HS6ST3: variants seen among roughly 807,000 people sequenced by gnomAD.
HS6ST3 encodes the protein heparan sulfate 6-O-sulfotransferase 3, also known as heparan-sulfate 6-O-sulfotransferase 3.
HS6ST3 carries 12 observed loss-of-function variants against 36.7 expected under a neutral mutation model. The observed-to-expected ratio is 0.33, with a 90% confidence interval of 0.21 to 0.53. HS6ST3 has a LOEUF of 0.53. Ranked by LOEUF, HS6ST3 falls within the 20% of genes least tolerant of loss-of-function variation. The probability of loss-of-function intolerance (pLI) is 0.95; values close to 1 mark genes in which losing one functional copy is unlikely to be tolerated. For synonymous variants in HS6ST3, 240 were observed against 257.5 expected (o/e 0.93, Z 0.65); for missense variants, 584 against 640.9 (o/e 0.91, Z 0.96).
intron 1 of HS6ST3, among the ~76,000 whole-genome samples, chr13:96,775,101 G>A (rs1160666231): frequency 1.3e-5 from 2 of 152,004 alleles, no homozygotes; most frequent in South Asian, 2.1e-4. Flanking sequence ...AAGCGAAGGA[G>A]AAATAAAATC....
At chr13:96,599,284 G>A (rs1317027681) in intron 1 of HS6ST3, among the ~76,000 whole-genome samples, 1 of 151,834 alleles carries the variant, frequency 6.6e-6, no homozygotes, top group Non-Finnish European at 1.5e-5. Context: ...TTTCTTGTTG[G>A]GAGATTTTTA....
At chr13:96,269,890 A>G (rs2054711341) in intron 1 of HS6ST3, among the ~76,000 whole-genome samples, 1 of 151,914 alleles carries the variant, frequency 6.6e-6, no homozygotes, top group Non-Finnish European at 1.5e-5. Context: ...GCTTCTCTGC[A>G]CTAATCAACT....
At chr13:96,554,329 ATCTC>A (rs1403905460) in intron 1 of HS6ST3, among the ~76,000 whole-genome samples, 1 of 152,202 alleles carries the variant, frequency 6.6e-6, no homozygotes, top group African/African-American at 2.4e-5. Context: ...AAATTTATCT[ATCTC>A]TATGTAAAAA....
intron 1 of HS6ST3, among the ~76,000 whole-genome samples, chr13:96,494,752 T>A (rs75306636): frequency 6.6e-6 from 1 of 152,206 alleles, no homozygotes; most frequent in African/African-American, 2.4e-5. Flanking sequence ...ATACATATGC[T>A]GGTTCAACCC....
chr13:96,425,312 G>A (rs112974190), intron 1 of HS6ST3, among the ~76,000 whole-genome samples: 4,014 of 152,230 alleles, frequency 0.026, 86 homozygotes, highest in Non-Finnish European at 0.039. Flanking sequence ...GCTGCCTAAA[G>A]CCTTGAAGAG....
chr13:96,355,418 C>CAA (rs2055205633), intron 1 of HS6ST3, among the ~76,000 whole-genome samples: 1 of 150,606 alleles, frequency 6.6e-6, no homozygotes, highest in African/African-American at 2.5e-5. Context: ...CACAAACACA[C>CAA]ACACACAGAG....
intron 1 of HS6ST3, among the ~76,000 whole-genome samples, chr13:96,455,387 A>G (rs1594784022): frequency 7.0e-6 from 1 of 143,392 alleles, no homozygotes; most frequent in African/African-American, 2.6e-5. Context: ...GCCCAGCTAC[A>G]TTTTTTTTTT....
intron 1 of HS6ST3, among the ~76,000 whole-genome samples, chr13:96,157,157 T>G (rs2054114463): frequency 6.6e-6 from 1 of 152,226 alleles, no homozygotes; most frequent in East Asian, 1.9e-4. Context: ...CTAACCTACT[T>G]TCTTATTACA....
At chr13:96,427,863 T>C (rs1237030038) in intron 1 of HS6ST3, among the ~76,000 whole-genome samples, 3 of 152,158 alleles carry the variant, frequency 2.0e-5, no homozygotes, top group African/African-American at 4.8e-5. Context: ...CTTGACACTT[T>C]GAGAGTACTG....
At chr13:96,335,671 AC>A (rs1372967383) in intron 1 of HS6ST3, among the ~76,000 whole-genome samples, 5 of 152,160 alleles carry the variant, frequency 3.3e-5, no homozygotes, top group Admixed American at 6.5e-5. Flanking sequence ...TGACTAAGGT[AC>A]CCACCCACAG....
intron 1 of HS6ST3, among the ~76,000 whole-genome samples, chr13:96,444,694 T>G (rs1344904992): frequency 2.0e-5 from 3 of 152,210 alleles, no homozygotes; most frequent in Admixed American, 6.5e-5. Context: ...GGGTTCACCT[T>G]TTTATGAGCA....
intron 1 of HS6ST3, among the ~76,000 whole-genome samples, chr13:96,767,241 A>G (rs958490791): frequency 6.6e-6 from 1 of 152,198 alleles, no homozygotes; most frequent in African/African-American, 2.4e-5. Flanking sequence ...TTCACCAAAT[A>G]CCTTCTATCT....
chr13:96,640,789 C>T (rs897235732), intron 1 of HS6ST3, among the ~76,000 whole-genome samples: 1 of 151,998 alleles, frequency 6.6e-6, no homozygotes, highest in Non-Finnish European at 1.5e-5. Context: ...AGCCAGTTAT[C>T]CCAGCACCAT....
chr13:96,239,183 G>A (rs1382295572), intron 1 of HS6ST3, among the ~76,000 whole-genome samples: 2 of 152,132 alleles, frequency 1.3e-5, no homozygotes, highest in Non-Finnish European at 2.9e-5. Flanking sequence ...AAACCACAAA[G>A]CAATTAAAGT....
intron 1 of HS6ST3, among the ~76,000 whole-genome samples, chr13:96,245,500 A>G (rs2054580549): frequency 6.6e-6 from 1 of 152,140 alleles, no homozygotes; most frequent in Non-Finnish European, 1.5e-5. Context: ...GCTAATTTCC[A>G]GGGACCTTAT....
chr13:96,343,283 C>T (rs1048883515), intron 1 of HS6ST3, among the ~76,000 whole-genome samples: 3 of 152,214 alleles, frequency 2.0e-5, no homozygotes, highest in Admixed American at 6.5e-5. Context: ...CCTCACTGGG[C>T]TAAAATCAAG....
At chr13:96,284,459 G>A (rs2054790667) in intron 1 of HS6ST3, among the ~76,000 whole-genome samples, 1 of 152,152 alleles carries the variant, frequency 6.6e-6, no homozygotes, top group South Asian at 2.1e-4. Flanking sequence ...CATCCAGCAT[G>A]GGAGAAAGAT....
At chr13:96,677,502 T>G (rs1386708458) in intron 1 of HS6ST3, among the ~76,000 whole-genome samples, 12 of 152,168 alleles carry the variant, frequency 7.9e-5, no homozygotes, top group Admixed American at 2.0e-4. Context: ...CTTACACATA[T>G]ATATACACAT....
In HS6ST3 at chr13:96,321,598, T is replaced by G. The variant is rs1262458549; in HGVS notation, c.707+230029T>G. ...GAACTACAATCCACTGGCTACCTCC[T>G]TTTCACTGTCTCTCACTGTCCTCAT... is the stretch of plus-strand genomic sequence containing the variant. On this transcript the variant is annotated intron_variant, in intron 1 of 1. Coordinates refer to ENST00000376705, the MANE Select transcript of HS6ST3 (RefSeq NM_153456.4). Among the ~76,000 whole-genome samples, 3 of 152,174 alleles carry G rather than the reference T, an allele frequency of 2.0e-5. No individual in the cohort carries two copies. The South Asian group carries it at 6.2e-4, about 32-fold the overall frequency.
Sources: allele counts gnomAD v4.1 joint callset (sites outside exome capture counted in the v4.1 genomes callset), GRCh38; gene constraint gnomAD v4.1.1; transcripts MANE v1.5; gene names NCBI Gene and HGNC (gene_info 2026-07-23, HGNC 2026-07-21).